ARAP3: variants seen among roughly 807,000 people sequenced by gnomAD.
ARAP3 encodes the protein ArfGAP with RhoGAP domain, ankyrin repeat and PH domain 3, also known as arf-GAP with Rho-GAP domain, ANK repeat and PH domain-containing protein 3.
Under a neutral mutation model 169.2 loss-of-function variants are expected in ARAP3, and 82 were observed. The ratio of observed to expected loss-of-function variants is 0.48; its 90% CI spans 0.41 to 0.58. The LOEUF (loss-of-function observed/expected upper bound fraction) is 0.58. Ranked by LOEUF, ARAP3 falls within the 20% of genes least tolerant of loss-of-function variation. ARAP3 has a pLI of 0.00. For synonymous variants in ARAP3, 791 were observed against 800.3 expected, an observed-to-expected ratio of 0.99 and a Z score of 0.20; for missense variants, 1,764 against 2,018.0, an observed-to-expected ratio of 0.87 and a Z score of 2.41.
chr5:141,655,615 C>T lies in ARAP3; in HGVS notation c.4110+6G>A. ...AATCGGGTTGGGGCAGGGTGGGGTG[C>T]CTTACCAGGGTCTGATTGGCAGAGA... On this transcript the variant is annotated splice_donor_region_variant and intron_variant, in intron 31 of 32. Transcript: ENST00000239440. 1 of 1,613,978 alleles carries T rather than the reference C, an allele frequency of 6.2e-7. No homozygotes were observed. The highest frequency in any genetic ancestry group is 8.5e-7 in the Non-Finnish European group (1 of 1,180,000).
Position 141,669,699 on chromosome 5 carries a change from C to G in ARAP3, c.2352+10G>C. 1 of 1,613,492 alleles carries G rather than the reference C, an allele frequency of 6.2e-7. No individual in the cohort carries two copies. Among genetic ancestry groups the G allele is most frequent in the Non-Finnish European group, 8.5e-7 (1 of 1,179,500 alleles). ...CATGAGATGCTGCAGAGGGCGCTCT[C>G]CTGTCTCACCTTGCCCACAGCACTA... On this transcript the variant is annotated intron_variant, in intron 16 of 32. Transcript: ENST00000239440.
At chr5:141,658,773 C>G in intron 23 of ARAP3, 120 bp from the exon 24 acceptor site, 5 of 825,442 alleles carry the variant, frequency 6.1e-6, no homozygotes, top group South Asian at 3.8e-5. Flanking sequence ...CTCCCAACCC[C>G]AATGTCACTC....
intron 32 of ARAP3, 55 bp from the exon 33 acceptor site, chr5:141,654,490 G>A: frequency 6.6e-7 from 1 of 1,511,272 alleles, no homozygotes; most frequent in South Asian, 1.3e-5. Context: ...ACCAGATTAT[G>A]AATCACTAAC....
intron 4 of ARAP3, among the ~76,000 whole-genome samples, chr5:141,677,777 GTTT>G (rs1004061457): frequency 1.4e-5 from 2 of 140,016 alleles, no homozygotes; most frequent in Non-Finnish European, 3.3e-5. Flanking sequence ...TTTTGTTTTT[GTTT>G]TTTTTGTTTT....
intron 4 of ARAP3, 151 bp from the exon 5 acceptor site, chr5:141,673,959 C>CTTTTTTTTTTTTTTTTTTT (rs10712701): frequency 3.8e-5 from 13 of 341,226 alleles, no homozygotes; most frequent in East Asian, 1.1e-4. Flanking sequence ...TTCTTTTCTT[C>CTTTTTTTTTTTTTTTTTTT]TTTTTTTTTT....
In ARAP3 at chr5:141,659,446, A is replaced by G; in HGVS notation, c.3298T>C (p.Leu1100=). The G allele has an allele frequency of 6.2e-7, 1 of 1,614,228 alleles. No individual in the cohort carries two copies. The highest frequency in any genetic ancestry group is 1.6e-4 in the Middle Eastern group (1 of 6,062). The change falls in exon 23 of 33, where the codon TTG becomes CTG. Residue 1100 remains leucine, a synonymous_variant. Coordinates refer to ENST00000239440, the MANE Select transcript of ARAP3 (RefSeq NM_022481.6). The part of the protein sequence containing the change: ...IDSDQVAQID[L]EVSLITTWKD... ...CAGGTGGTGATAAGACTGACCTCCA[A>G]GTCAATCTGAGCTACCTGGTCAGAA... is the stretch of plus-strand genomic sequence containing the variant.
At chr5:141,670,709 A>G in intron 13 of ARAP3, 81 bp from the exon 14 acceptor site, 1 of 1,230,750 alleles carries the variant, frequency 8.1e-7, no homozygotes, top group Non-Finnish European at 1.2e-6. Context: ...GATGAAATGG[A>G]GAAAGACAGT....
chr5:141,669,669 G>A (rs754120750), intron 16 of ARAP3, 40 bp downstream of exon 16: 12 of 1,585,402 alleles, frequency 7.6e-6, no homozygotes, highest in African/African-American at 4.0e-5. Flanking sequence ...TGGGGACAAG[G>A]AAAGCATGAG....
chr5:141,656,847 C>G lies in ARAP3; in HGVS notation c.3527-1G>C, dbSNP rs1445195095. ...TTTTCCTTGGGATGCAGTGGCCGCTCTTAAGGGGAAAGGTGAGGGTTTATA... is the reference window on the plus strand; with the variant it reads ...TTTTCCTTGGGATGCAGTGGCCGCTGTTAAGGGGAAAGGTGAGGGTTTATA... On this transcript the variant is annotated splice_acceptor_variant, in intron 25 of 32. Coordinates refer to ENST00000239440, the MANE Select transcript of ARAP3 (RefSeq NM_022481.6). LOFTEE classifies it high-confidence loss of function. The G allele has an allele frequency of 6.2e-6, 10 of 1,612,590 alleles. No individual in the cohort carries two copies.
At position 141,661,728 on chromosome 5, in the gene ARAP3, C is replaced by T. The variant is rs2099910000; in HGVS notation, c.3075G>A (p.Arg1025=). The T allele has an allele frequency of 6.2e-7, 1 of 1,614,206 alleles. No individual in the cohort carries two copies. Residue 1025 remains arginine, a synonymous_variant, in exon 21 of 33, where the codon CGG becomes CGA. Transcript: ENST00000239440. The part of the protein sequence containing the change: ...KYKDVIGCLP[R]VNRRTLATLI... ...GGGTGGCCAGTGTGCGGCGGTTGAC[C>T]CGCGGCAGGCAGCCAATCACATCTT... is the stretch of plus-strand genomic sequence containing the variant.
chr5:141,674,342 C>G (rs2099911865), intron 4 of ARAP3, among the ~76,000 whole-genome samples: 1 of 152,184 alleles, frequency 6.6e-6, no homozygotes, highest in South Asian at 2.1e-4. Context: ...ACTGCAGTCT[C>G]AAACTTCTGG....
At chr5:141,668,986 C>G (rs2099911067) in intron 16 of ARAP3, among the ~76,000 whole-genome samples, 1 of 152,182 alleles carries the variant, frequency 6.6e-6, no homozygotes, top group Admixed American at 6.5e-5. Flanking sequence ...TAGGGAAAAG[C>G]TGTCTTAGGA....
At chr5:141,679,920 C>A (rs376190269) in intron 2 of ARAP3, 43 bp downstream of exon 2, 34 of 1,612,880 alleles carry the variant, frequency 2.1e-5, no homozygotes, top group South Asian at 1.2e-4. Context: ...CTCTCCTCCC[C>A]ACTCCTCCCA....
At position 141,680,569 on chromosome 5, in the gene ARAP3, G is replaced by C; in HGVS notation, c.-17-66C>G. On this transcript the variant is annotated intron_variant, in intron 1 of 32. Coordinates refer to ENST00000239440, the MANE Select transcript of ARAP3 (RefSeq NM_022481.6). ...AATCCCCCTCTCTGCCCCAGAGTCT[G>C]AGGCCTGGACAGTGAGCACCAGCCT... is the stretch of plus-strand genomic sequence containing the variant. 10 of 1,488,604 alleles carry C rather than the reference G, an allele frequency of 6.7e-6. No homozygotes were observed. In the South Asian group the frequency reaches 1.2e-4, roughly 18 times the overall value. 92.2% of individuals were successfully genotyped at this position (1,488,604 alleles called of 1,614,324 possible).
chr5:141,663,698 G>A (rs1377135566), intron 19 of ARAP3, among the ~76,000 whole-genome samples: 1 of 152,208 alleles, frequency 6.6e-6, no homozygotes, highest in Admixed American at 6.5e-5. Context: ...GGAGGTCACT[G>A]AACAAGGCCA....
chr5:141,672,153 G>C lies in ARAP3; in HGVS notation c.1534C>G (p.Pro512Ala), dbSNP rs1244129990. The change falls in exon 10 of 33, where the codon CCA becomes GCA. Residue 512 changes from proline to alanine, a missense_variant. Around this residue, in one of 3 missense-constraint regions of ARAP3, gnomAD observed 630 missense variants for 678.7 expected, o/e 0.93. Transcript: ENST00000239440. The surrounding 1 kb of genome is among the most constrained non-coding windows in gnomAD (Gnocchi z 4.9). ...CCCAAATTGACAGCAGCCCAATCTG[G>C]GCGGGAGGACCCACAGTCCGCACAC... ...RQCADCGSSR[P>A]DWAAVNLGVV... 3 of 1,614,042 alleles carry C rather than the reference G, an allele frequency of 1.9e-6. No individual in the cohort carries two copies. The African/African-American group carries it at 4.0e-5, about 22-fold the overall frequency.
At chr5:141,678,848 T>C (rs2099912575) in intron 4 of ARAP3, among the ~76,000 whole-genome samples, 1 of 152,178 alleles carries the variant, frequency 6.6e-6, no homozygotes, top group Admixed American at 6.5e-5. Context: ...CTTTTAACGT[T>C]CTATAGTATT....
At chr5:141,662,705 A>T (rs2099910123) in intron 19 of ARAP3, among the ~76,000 whole-genome samples, 1 of 152,222 alleles carries the variant, frequency 6.6e-6, no homozygotes, top group Non-Finnish European at 1.5e-5. Flanking sequence ...AAACAAGTGT[A>T]TCCTTTTAAT....
chr5:141,674,864 T>G (rs987975228), intron 4 of ARAP3, among the ~76,000 whole-genome samples: 46 of 152,206 alleles, frequency 3.0e-4, no homozygotes, highest in African/African-American at 1.0e-3. Flanking sequence ...GGCCATCTGC[T>G]TTCATTCTTG....
Sources: allele counts gnomAD v4.1 joint callset (sites outside exome capture counted in the v4.1 genomes callset), GRCh38; gene constraint gnomAD v4.1.1; regional missense constraint gnomAD v4.1.1; non-coding constraint Gnocchi (gnomAD v3.1); transcripts MANE v1.5; gene names NCBI Gene and HGNC (gene_info 2026-07-23, HGNC 2026-07-21).